The following COBLL1 variants were observed in gnomAD, a reference collection of about 807,000 sequenced individuals.
The protein encoded by COBLL1 is cordon-bleu protein-like 1.
In COBLL1, 50 loss-of-function variants were observed where a neutral mutation model predicts 94.8. That is an observed-to-expected ratio of 0.53 (90% CI 0.42 to 0.67). COBLL1 has a LOEUF of 0.67. Ranked by LOEUF, COBLL1 falls within the 30% of genes least tolerant of loss-of-function variation. The probability of loss-of-function intolerance (pLI) is 0.00; values close to 1 mark genes in which losing one functional copy is unlikely to be tolerated. For missense variants in COBLL1, 1,362 were observed against 1,348.7 expected (o/e 1.01, Z -0.15); for synonymous variants, 448 against 473.8 (o/e 0.95, Z 0.71).
chr2:164,702,521 G>A (rs542808090), intron 9 of COBLL1, among the ~76,000 whole-genome samples: 18 of 130,536 alleles, frequency 1.4e-4, no homozygotes, highest in Admixed American at 7.0e-4. Context: ...CCGAGATCAC[G>A]CCACTGCACT....
At chr2:164,659,116 G>C (rs774190655) in intron 2 of COBLL1, among the ~76,000 whole-genome samples, 1 of 152,142 alleles carries the variant, frequency 6.6e-6, no homozygotes, top group Non-Finnish European at 1.5e-5. Flanking sequence ...GGAGGACTAG[G>C]TAAGCATACC....
chr2:164,751,740 C>T (rs1049141067), intron 2 of COBLL1, among the ~76,000 whole-genome samples: 4 of 152,052 alleles, frequency 2.6e-5, no homozygotes, highest in African/African-American at 4.8e-5. Flanking sequence ...TTTAAATAAG[C>T]CCCAAAGACA....
intron 2 of COBLL1, among the ~76,000 whole-genome samples, chr2:164,795,047 T>A (rs958182971): frequency 6.6e-6 from 1 of 152,176 alleles, no homozygotes; most frequent in African/African-American, 2.4e-5. Context: ...CCCACTTCCT[T>A]CGAGGACTCT....
chr2:164,670,401 A>G (rs1691225441), intron 1 of COBLL1, among the ~76,000 whole-genome samples: 1 of 152,222 alleles, frequency 6.6e-6, no homozygotes, highest in South Asian at 2.1e-4. Flanking sequence ...TTCTCTGATA[A>G]TAAGTTTTTT....
At chr2:164,729,816 A>C (rs1317634515) in intron 4 of COBLL1, 98 bp downstream of exon 4, 1 of 1,016,682 alleles carries the variant, frequency 9.8e-7, no homozygotes, top group Non-Finnish European at 1.5e-6. Flanking sequence ...ACTCACATTC[A>C]CATCAAATTT....
intron 1 of COBLL1, among the ~76,000 whole-genome samples, chr2:164,670,681 G>A (rs1280711933): frequency 6.6e-6 from 1 of 152,146 alleles, no homozygotes; most frequent in Non-Finnish European, 1.5e-5. Flanking sequence ...GTTGGGATGA[G>A]AAGGCCTCCT....
chr2:164,801,422 G>C (rs1168992193), intron 2 of COBLL1, among the ~76,000 whole-genome samples: 8 of 115,216 alleles, frequency 6.9e-5, no homozygotes, highest in African/African-American at 2.7e-4. Context: ...CTGGGCGACA[G>C]AGCGAGACTC....
chr2:164,680,584 T>C lies in COBLL1; in HGVS notation c.*5362A>G, dbSNP rs1435808988. ...TGGGCCTGCTCACTTCTATTACTCA[T>C]ATGGCAGATTCTGCTTCTTCCTTCT... On this transcript the variant is annotated 3_prime_UTR_variant, in exon 14 of 14. Coordinates refer to ENST00000652658, the MANE Select transcript of COBLL1 (RefSeq NM_001365672.2). The C allele has an allele frequency of 6.6e-6, 1 of 152,136 alleles. No individual in the cohort carries two copies. The highest frequency in any genetic ancestry group is 2.4e-5 in the African/African-American group (1 of 41,430). The allele number at this position is 152,136 out of a possible 1,614,324, so 9.4% of individuals were successfully genotyped here.
intron 3 of COBLL1, among the ~76,000 whole-genome samples, chr2:164,735,155 C>T (rs968307649): frequency 3.3e-5 from 5 of 152,246 alleles, no homozygotes; most frequent in African/African-American, 9.6e-5. Flanking sequence ...TCTTTAGGCA[C>T]CTGGCTAGGT....
chr2:164,768,884 T>A (rs959895966), intron 2 of COBLL1, among the ~76,000 whole-genome samples: 3 of 152,182 alleles, frequency 2.0e-5, no homozygotes, highest in Non-Finnish European at 4.4e-5. Flanking sequence ...AGCAAAGAAA[T>A]CTGTTTACAC....
At chr2:164,755,146 C>T (rs1040162257) in intron 2 of COBLL1, among the ~76,000 whole-genome samples, 16 of 152,128 alleles carry the variant, frequency 1.1e-4, no homozygotes, top group African/African-American at 3.9e-4. Context: ...GCCTAGGTGA[C>T]AAAGCAAGAC....
intron 2 of COBLL1, among the ~76,000 whole-genome samples, chr2:164,787,840 G>T (rs1010748093): frequency 9.2e-5 from 14 of 152,038 alleles, no homozygotes; most frequent in Non-Finnish European, 1.5e-5. Context: ...TCTGAAAAAC[G>T]TAAACCCTGC....
chr2:164,800,313 A>G (rs1197958272), intron 2 of COBLL1, among the ~76,000 whole-genome samples: 2 of 152,238 alleles, frequency 1.3e-5, no homozygotes, highest in Non-Finnish European at 2.9e-5. Flanking sequence ...AAATAAGCAC[A>G]TGAAAAGCTT....
chr2:164,712,226 G>C (rs866800656), intron 7 of COBLL1, among the ~76,000 whole-genome samples: 1 of 152,062 alleles, frequency 6.6e-6, no homozygotes, highest in African/African-American at 2.4e-5. Flanking sequence ...TGAAATTGAC[G>C]TATCCTGGAT....
At chr2:164,734,546 G>A (rs1686196460) in intron 3 of COBLL1, among the ~76,000 whole-genome samples, 1 of 152,122 alleles carries the variant, frequency 6.6e-6, no homozygotes, top group Non-Finnish European at 1.5e-5. Context: ...ATTACATTCT[G>A]GTTTTTGTAT....
intron 2 of COBLL1, among the ~76,000 whole-genome samples, chr2:164,791,670 C>T (rs979645955): frequency 1.3e-5 from 2 of 152,094 alleles, no homozygotes; most frequent in Non-Finnish European, 1.5e-5. Context: ...TTAGATATGC[C>T]ACCATGTGTA....
chr2:164,694,306 T>C lies in COBLL1; in HGVS notation c.3086A>G (p.Lys1029Arg). The change falls in exon 12 of 14, where the codon AAA (lysine) becomes AGA (arginine). Residue 1029 changes from lysine to arginine, a missense_variant. Coordinates refer to ENST00000652658, the MANE Select transcript of COBLL1 (RefSeq NM_001365672.2). ...TEEGKTHSVN[K>R]FVDIPQLGVS... ...ACCAAGCTGTGGGATGTCCACAAAT[T>C]TATTTACAGAATGAGTCTTCCCTTC... The C allele has an allele frequency of 1.2e-6, 2 of 1,613,796 alleles. No homozygotes were observed. Among genetic ancestry groups the C allele is most frequent in the Non-Finnish European group, 1.7e-6 (2 of 1,179,820 alleles).
At chr2:164,825,727 AAG>A (rs1685398853) in intron 2 of COBLL1, among the ~76,000 whole-genome samples, 1 of 152,192 alleles carries the variant, frequency 6.6e-6, no homozygotes, top group Admixed American at 6.5e-5. Context: ...CCATAGCTGA[AAG>A]AGTTACAGCT....
chr2:164,692,142 A>C, intron 13 of COBLL1, 79 bp downstream of exon 13: 12 of 1,276,912 alleles, frequency 9.4e-6, no homozygotes, highest in Non-Finnish European at 1.3e-5. Context: ...TTTACATGCT[A>C]GAAAAATTTT....
Sources: gnomAD v4.1 joint callset for allele counts (sites outside exome capture counted in the v4.1 genomes callset) on GRCh38, gnomAD v4.1.1 for gene constraint, MANE v1.5 for transcripts, NCBI Gene and HGNC (gene_info 2026-07-23, HGNC 2026-07-21) for gene names.